The following MGAT4D variants were observed in gnomAD, a reference collection of about 807,000 sequenced individuals.
The protein encoded by MGAT4D is alpha-1,3-mannosyl-glycoprotein 4-beta-N-acetylglucosaminyltransferase-like protein MGAT4D.
Under a neutral mutation model 15.9 loss-of-function variants are expected in MGAT4D, and 34 were observed. The observed-to-expected ratio is 2.14, with a 90% CI of 1.62 to 2.84. The LOEUF (loss-of-function observed/expected upper bound fraction) is 2.84. MGAT4D is among the 30% of genes most tolerant of loss of function. The probability of loss-of-function intolerance (pLI) is 0.00; values close to 1 mark genes in which losing one functional copy is unlikely to be tolerated. For synonymous variants in MGAT4D, 112 were observed against 48.2 expected, an observed-to-expected ratio of 2.33 and a Z score of -5.49; for missense variants, 327 against 140.2, an observed-to-expected ratio of 2.33 and a Z score of -6.73.
intron 9 of MGAT4D, among the ~76,000 whole-genome samples, chr4:140,452,473 C>G (rs952366553): frequency 1.6e-4 from 25 of 152,192 alleles, no homozygotes; most frequent in African/African-American, 5.8e-4. Context: ...TACAGTTTAG[C>G]ATATAAAATA....
chr4:140,458,878 TG>T (rs1485699977), intron 8 of MGAT4D: 25 of 152,184 alleles, frequency 1.6e-4, no homozygotes, highest in African/African-American at 5.5e-4. Flanking sequence ...GAAGAGCTCC[TG>T]TATGAATCAA....
At chr4:140,481,265 T>C (rs1411098968) in intron 2 of MGAT4D, among the ~76,000 whole-genome samples, 1 of 152,120 alleles carries the variant, frequency 6.6e-6, no homozygotes, top group Non-Finnish European at 1.5e-5. Context: ...GATTGCACCA[T>C]TGCCCTCTAG....
chr4:140,457,036 T>G (rs1009313183), intron 8 of MGAT4D: 2 of 157,632 alleles, frequency 1.3e-5, no homozygotes, highest in Non-Finnish European at 2.8e-5. Flanking sequence ...ATATAGGCGT[T>G]GTAATCTTTT....
chr4:140,452,169 A>AAAAAAC (rs1376374635), intron 9 of MGAT4D, among the ~76,000 whole-genome samples: 2 of 152,058 alleles, frequency 1.3e-5, no homozygotes, highest in African/African-American at 2.4e-5. Flanking sequence ...CTCCATTTTT[A>AAAAAAC]AAAAACAAAA....
In MGAT4D at chr4:140,449,045, T is replaced by G. The variant is rs72939883; in HGVS notation, c.1116+2365A>C. Among the ~76,000 whole-genome samples the G allele has an allele frequency of 6.6e-3, 1,010 of 152,368 alleles. 8 individuals carry two copies. Among genetic ancestry groups the G allele is most frequent in the African/African-American group, 0.022 (930 of 41,582 alleles). On this transcript the variant is annotated intron_variant, in intron 10 of 10. Transcript: ENST00000511113. The stretch of plus-strand genomic sequence containing the variant: ...CCCTACTGGCAGTACATTTAAATAA[T>G]TGGCCCTATGCCCAGTGCACTGTAA...
At chr4:140,455,314 C>A (rs1443875926) in intron 9 of MGAT4D, among the ~76,000 whole-genome samples, 1 of 152,164 alleles carries the variant, frequency 6.6e-6, no homozygotes, top group Non-Finnish European at 1.5e-5. Flanking sequence ...TCCTTTGAAA[C>A]TTCTTCCTTC....
chr4:140,469,125 A>C (rs1731742951), intron 5 of MGAT4D, among the ~76,000 whole-genome samples: 1 of 152,198 alleles, frequency 6.6e-6, no homozygotes, highest in African/African-American at 2.4e-5. Flanking sequence ...TCTTCCTATC[A>C]GTTGAACTTA....
intron 5 of MGAT4D, among the ~76,000 whole-genome samples, chr4:140,468,439 GGCTTAC>G (rs1731690728): frequency 6.6e-6 from 1 of 152,078 alleles, no homozygotes; most frequent in South Asian, 2.1e-4. Context: ...ATCTTCAAAA[GGCTTAC>G]AATGATGCGG....
chr4:140,496,021 C>A (rs1001055627), intron 1 of MGAT4D, among the ~76,000 whole-genome samples: 4 of 152,138 alleles, frequency 2.6e-5, no homozygotes, highest in Non-Finnish European at 1.5e-5. Context: ...GTGTGAGCCA[C>A]CCCACTGCGC....
intron 1 of MGAT4D, among the ~76,000 whole-genome samples, chr4:140,483,871 G>A: frequency 6.6e-6 from 1 of 152,124 alleles, no homozygotes; most frequent in East Asian, 1.9e-4. Context: ...AAAAATGGAT[G>A]AAAGACTTAA....
At chr4:140,469,786 C>G (rs1731795037) in intron 5 of MGAT4D, among the ~76,000 whole-genome samples, 1 of 152,210 alleles carries the variant, frequency 6.6e-6, no homozygotes, top group South Asian at 2.1e-4. Flanking sequence ...GGGAATAACT[C>G]TCAATAGTTC....
chr4:140,481,349 A>G (rs892310234), intron 2 of MGAT4D, among the ~76,000 whole-genome samples: 1 of 152,130 alleles, frequency 6.6e-6, no homozygotes, highest in South Asian at 2.1e-4. Context: ...ACTCTCATAC[A>G]TTGCTGGAGG....
chr4:140,451,419 T>C lies in MGAT4D; in HGVS notation c.1107A>G (p.Gln369=), dbSNP rs759246880. ...GIHSSFPRKE[Q]YEKKI ...CATTTCAAAATCTTACTTTTTCATA[T>C]TGTTCTTTTCTAGGGAATGATGAAT... The change falls in exon 10 of 11, where the codon CAA becomes CAG. Residue 369 remains glutamine (Q), a synonymous_variant. Coordinates refer to ENST00000511113, the MANE Select transcript of MGAT4D (RefSeq NM_001277353.2). 1.7e-6 allele frequency: 1 copy of C among 595,886 alleles called. No homozygotes were observed. Among genetic ancestry groups the C allele is most frequent in the South Asian group, 2.1e-5 (1 of 46,558 alleles). The allele number at this position is 595,886 out of a possible 1,614,324, so 36.9% of individuals were successfully genotyped here.
At chr4:140,480,969 T>C (rs777663580) in intron 2 of MGAT4D, among the ~76,000 whole-genome samples, 3 of 152,018 alleles carry the variant, frequency 2.0e-5, no homozygotes, top group Non-Finnish European at 4.4e-5. Flanking sequence ...ATGTTCAACA[T>C]CATTAGTTTC....
chr4:140,447,448 C>T (rs79476068), intron 10 of MGAT4D, among the ~76,000 whole-genome samples: 5,750 of 152,212 alleles, frequency 0.038, 354 homozygotes, highest in African/African-American at 0.13. Context: ...GAACCCCTTA[C>T]TATTATGTAA....
intron 5 of MGAT4D, among the ~76,000 whole-genome samples, chr4:140,468,030 T>C (rs1262678998): frequency 6.6e-6 from 1 of 150,572 alleles, no homozygotes; most frequent in Non-Finnish European, 1.5e-5. Flanking sequence ...TTACCTTTGA[T>C]AATGTTTTAA....
chr4:140,466,141 T>C (rs759311157), intron 5 of MGAT4D, among the ~76,000 whole-genome samples: 1 of 149,850 alleles, frequency 6.7e-6, no homozygotes, highest in Non-Finnish European at 1.5e-5. Context: ...AAAGAGGAAA[T>C]TGGCTGACAG....
At chr4:140,473,361 T>G (rs1732100440) in intron 4 of MGAT4D, among the ~76,000 whole-genome samples, 1 of 152,170 alleles carries the variant, frequency 6.6e-6, no homozygotes, top group South Asian at 2.1e-4. Flanking sequence ...TGGGTAGATA[T>G]TTTGGTTGTT....
chr4:140,459,346 G>T, intron 8 of MGAT4D, 166 bp downstream of exon 8: 1 of 309,048 alleles, frequency 3.2e-6, no homozygotes. Flanking sequence ...ACATTATCTG[G>T]AATTTAGGTA....
Sources: allele counts gnomAD v4.1 joint callset (sites outside exome capture counted in the v4.1 genomes callset), GRCh38; gene constraint gnomAD v4.1.1; transcripts MANE v1.5; gene names NCBI Gene and HGNC (gene_info 2026-07-23, HGNC 2026-07-21).